Variants in TMOD3 observed in about 807,000 individuals in gnomAD.
The protein encoded by TMOD3 is tropomodulin-3.
Under a neutral mutation model 39.2 loss-of-function variants are expected in TMOD3, and 20 were observed. The observed-to-expected ratio is 0.51, with a 90% confidence interval of 0.36 to 0.74. The LOEUF is 0.74. TMOD3 is among the 30% of genes least tolerant of loss of function. TMOD3 has a pLI of 0.00. For missense variants in TMOD3, 381 were observed against 412.8 expected, an observed-to-expected ratio of 0.92 and a Z score of 0.67; for synonymous variants, 143 against 145.8, an observed-to-expected ratio of 0.98 and a Z score of 0.14.
chr15:51,899,362 G>T (rs748683772), intron 7 of TMOD3, among the ~76,000 whole-genome samples: 8 of 152,062 alleles, frequency 5.3e-5, no homozygotes, highest in Non-Finnish European at 1.2e-4. Context: ...TTATGACTGG[G>T]TACATATGAA....
At chr15:51,868,812 A>G (rs2056460407) in intron 2 of TMOD3, among the ~76,000 whole-genome samples, 1 of 152,128 alleles carries the variant, frequency 6.6e-6, no homozygotes, top group Admixed American at 6.6e-5. Context: ...TCTCTACCCA[A>G]AACGCAAAAA....
At chr15:51,894,251 T>C (rs913861551) in intron 6 of TMOD3, among the ~76,000 whole-genome samples, 2 of 152,144 alleles carry the variant, frequency 1.3e-5, no homozygotes, top group African/African-American at 4.8e-5. Context: ...GTCTTGCTTT[T>C]TTAAAATTCG....
chr15:51,890,717 A>G (rs1219655372), intron 5 of TMOD3, among the ~76,000 whole-genome samples: 1 of 152,198 alleles, frequency 6.6e-6, no homozygotes, highest in Non-Finnish European at 1.5e-5. Context: ...TTTCTAGTTA[A>G]TATGTATACA....
intron 3 of TMOD3, among the ~76,000 whole-genome samples, chr15:51,881,043 G>A (rs1173477291): frequency 2.6e-5 from 4 of 152,060 alleles, no homozygotes; most frequent in Admixed American, 2.0e-4. Flanking sequence ...GTTTTGATTT[G>A]CATTTCCCTA....
Position 51,896,479 on chromosome 15 carries a change from A to C in TMOD3, c.688A>C (p.Lys230Gln). The C allele has an allele frequency of 6.2e-7, 1 of 1,613,854 alleles. No homozygotes were observed. Among genetic ancestry groups the C allele is most frequent in the South Asian group, 1.1e-5 (1 of 91,014 alleles). ...AKALETNTHV[K>Q]CFSLAATRSN... ...GGCTTTGGAAACCAACACACATGTG[A>C]AATGTTTCAGTCTTGCAGCCACCCG... Residue 230 changes from lysine to glutamine, a missense_variant, in exon 7 of 10, where the codon AAA (lysine) becomes CAA (glutamine). By Grantham distance (53) the Lys-to-Gln change is moderately conservative. Transcript: ENST00000308580.
At chr15:51,888,927 C>G (rs2056578909) in intron 4 of TMOD3, 129 bp from the exon 5 acceptor site, 2 of 596,562 alleles carry the variant, frequency 3.4e-6, no homozygotes, top group Non-Finnish European at 5.9e-6. Flanking sequence ...ATTTTGTTTT[C>G]TGTGTGGGTG....
intron 1 of TMOD3, among the ~76,000 whole-genome samples, chr15:51,856,022 G>A (rs1406280742): frequency 6.6e-6 from 1 of 152,216 alleles, no homozygotes; most frequent in South Asian, 2.1e-4. Context: ...CAGCACTTTA[G>A]GAGGTCGAGG....
chr15:51,862,299 A>G (rs2141684074), intron 1 of TMOD3, among the ~76,000 whole-genome samples: 1 of 152,246 alleles, frequency 6.6e-6, no homozygotes, highest in East Asian at 1.9e-4. Context: ...TCAGAAAAAT[A>G]TTTTCAAATG....
intron 8 of TMOD3, chr15:51,900,986 C>T (rs1000224434): frequency 6.6e-6 from 1 of 152,210 alleles, no homozygotes; most frequent in African/African-American, 2.4e-5. Context: ...ACCCCATACC[C>T]ATTAGCAGTC....
chr15:51,859,810 T>G (rs940862086), intron 1 of TMOD3: 35 of 511,604 alleles, frequency 6.8e-5, no homozygotes, highest in Admixed American at 1.2e-4. Context: ...TACTGCCACC[T>G]CTAGAGCTTT....
At chr15:51,878,512 A>G (rs2056517013) in intron 3 of TMOD3, among the ~76,000 whole-genome samples, 1 of 152,122 alleles carries the variant, frequency 6.6e-6, no homozygotes, top group Non-Finnish European at 1.5e-5. Context: ...AATAGGATTC[A>G]GTTGCTGTTC....
intron 7 of TMOD3, among the ~76,000 whole-genome samples, chr15:51,897,171 A>T (rs74936910): frequency 0.015 from 2,303 of 152,262 alleles, 66 homozygotes; most frequent in East Asian, 0.074. Flanking sequence ...TAAATATTGG[A>T]ATGGCCCAGA....
At chr15:51,847,122 T>C (rs2056339901) in intron 1 of TMOD3, among the ~76,000 whole-genome samples, 1 of 152,202 alleles carries the variant, frequency 6.6e-6, no homozygotes, top group Admixed American at 6.5e-5. Flanking sequence ...ACGAAGTCTC[T>C]CAGCAGGGTC....
chr15:51,885,284 C>CTTTTTT (rs67378569), intron 3 of TMOD3, among the ~76,000 whole-genome samples: 52 of 126,924 alleles, frequency 4.1e-4, no homozygotes, highest in Non-Finnish European at 5.4e-4. Flanking sequence ...TTTCTTTTTT[C>CTTTTTT]TTTTTTTTTT....
intron 6 of TMOD3, among the ~76,000 whole-genome samples, chr15:51,895,003 A>C (rs1193955940): frequency 6.6e-6 from 1 of 152,144 alleles, no homozygotes. Context: ...AGTAAACTCA[A>C]ATTATCTAGA....
chr15:51,850,533 AAGAAG>A (rs2056356456), intron 1 of TMOD3, among the ~76,000 whole-genome samples: 2 of 151,988 alleles, frequency 1.3e-5, no homozygotes, highest in Non-Finnish European at 2.9e-5. Flanking sequence ...TCTGAGAAAA[AAGAAG>A]TAGAAAAAAG....
intron 1 of TMOD3, 33 bp from the exon 2 acceptor site, chr15:51,862,778 T>C: frequency 3.1e-5 from 34 of 1,098,214 alleles, no homozygotes; most frequent in Non-Finnish European, 4.1e-5. Flanking sequence ...GATGACTTAC[T>C]ATTTAAAATG....
chr15:51,838,251 C>T (rs1223802055), intron 1 of TMOD3, among the ~76,000 whole-genome samples: 5 of 152,160 alleles, frequency 3.3e-5, no homozygotes, highest in African/African-American at 1.2e-4. Flanking sequence ...CCCTGACCAC[C>T]CACAGTGATC....
chr15:51,895,842 C>T (rs2056617948), intron 6 of TMOD3, among the ~76,000 whole-genome samples: 1 of 152,154 alleles, frequency 6.6e-6, no homozygotes, highest in Admixed American at 6.5e-5. Context: ...GGTGCAGTGA[C>T]TCATGCCTGT....
Sources: gnomAD v4.1 joint callset for allele counts (sites outside exome capture counted in the v4.1 genomes callset) on GRCh38, gnomAD v4.1.1 for gene constraint, MANE v1.5 for transcripts, NCBI Gene and HGNC (gene_info 2026-07-23, HGNC 2026-07-21) for gene names.